The following PPARD variants were observed in gnomAD, a reference collection of about 807,000 sequenced individuals.
PPARD encodes the protein peroxisome proliferator activated receptor delta.
A neutral mutation model predicts 39.5 loss-of-function variants in PPARD; 6 were observed. The ratio of observed to expected loss-of-function variants is 0.15; its 90% confidence interval spans 0.08 to 0.30. PPARD has a LOEUF of 0.30. Ranked by LOEUF, PPARD falls within the 10% of genes least tolerant of loss-of-function variation. The probability of loss-of-function intolerance (pLI) is 1.00; values close to 1 mark genes in which losing one functional copy is unlikely to be tolerated. For synonymous variants in PPARD, 210 were observed against 231.3 expected, an observed-to-expected ratio of 0.91 and a Z score of 0.83; for missense variants, 397 against 596.8, an observed-to-expected ratio of 0.67 and a Z score of 3.49.
chr6:35,388,710 TCAAA>T (rs1293584349), intron 2 of PPARD, among the ~76,000 whole-genome samples: 1 of 151,784 alleles, frequency 6.6e-6, no homozygotes, highest in Admixed American at 6.6e-5. Flanking sequence ...AGACTCTGTC[TCAAA>T]CAAAAGAGGG....
At chr6:35,414,387 C>T (rs1765619256) in intron 3 of PPARD, among the ~76,000 whole-genome samples, 1 of 152,160 alleles carries the variant, frequency 6.6e-6, no homozygotes, top group Non-Finnish European at 1.5e-5. Context: ...CTCAACAAGT[C>T]TGCACTACTT....
intron 2 of PPARD, among the ~76,000 whole-genome samples, chr6:35,398,112 T>G (rs1173311891): frequency 6.6e-6 from 1 of 152,078 alleles, no homozygotes; most frequent in African/African-American, 2.4e-5. Flanking sequence ...TAAGATGGGC[T>G]TTTTCTCTGT....
At chr6:35,349,596 C>G (rs1412787186) in intron 2 of PPARD, among the ~76,000 whole-genome samples, 1 of 151,874 alleles carries the variant, frequency 6.6e-6, no homozygotes, top group Non-Finnish European at 1.5e-5. Flanking sequence ...CTTGGCCTCC[C>G]TAGGCAGTCC....
chr6:35,424,003 CT>C lies in PPARD; in HGVS notation c.483del (p.Ala162GlnfsTer14). ...AAGAGGAAGCTGGTGGCAGGGCTGA[CT>C]GCAAACGAGGGGAGCCAGTACAACC... ...AEKRKLVAGL[T>X]ANEGSQYNPQ... is the part of the protein sequence containing the mutation. On this transcript the variant is annotated frameshift_variant, in exon 6 of 8. Coordinates refer to ENST00000360694, the MANE Select transcript of PPARD (RefSeq NM_006238.5). LOFTEE classifies it high-confidence loss of function. The surrounding 1 kb of genome is among the most constrained non-coding windows in gnomAD (Gnocchi z 7.1). 1 of 1,614,200 alleles carries C rather than the reference CT, an allele frequency of 6.2e-7. No homozygotes were observed. Among genetic ancestry groups the C allele is most frequent in the Non-Finnish European group, 8.5e-7 (1 of 1,180,040 alleles).
intron 2 of PPARD, among the ~76,000 whole-genome samples, chr6:35,347,914 T>A (rs1448042046): frequency 2.0e-5 from 3 of 147,118 alleles, no homozygotes; most frequent in African/African-American, 7.6e-5. Flanking sequence ...TGGCCTTTTT[T>A]TTTTTTTTTT....
At chr6:35,398,807 G>A (rs752191808) in intron 2 of PPARD, among the ~76,000 whole-genome samples, 6 of 152,116 alleles carry the variant, frequency 3.9e-5, no homozygotes, top group Non-Finnish European at 8.8e-5. Flanking sequence ...AAGTGTTACC[G>A]AAAGTTTCAA....
intron 2 of PPARD, among the ~76,000 whole-genome samples, chr6:35,390,165 C>G (rs1763927685): frequency 6.6e-6 from 1 of 152,184 alleles, no homozygotes; most frequent in Non-Finnish European, 1.5e-5. Context: ...TCTGGCCCAG[C>G]TAGAAGAAAG....
intron 2 of PPARD, among the ~76,000 whole-genome samples, chr6:35,389,712 T>C (rs1305723172): frequency 2.0e-5 from 3 of 152,238 alleles, no homozygotes; most frequent in Non-Finnish European, 4.4e-5. Context: ...GAGTATGTTA[T>C]ACCCCAATTA....
intron 2 of PPARD, among the ~76,000 whole-genome samples, chr6:35,352,472 C>A (rs1761323528): frequency 6.6e-6 from 1 of 152,214 alleles, no homozygotes; most frequent in Admixed American, 6.5e-5. Context: ...GCGTGAGCCA[C>A]CGCGCCCGGC....
intron 2 of PPARD, among the ~76,000 whole-genome samples, chr6:35,385,913 G>A (rs1233977891): frequency 1.3e-5 from 2 of 152,030 alleles, no homozygotes; most frequent in African/African-American, 4.8e-5. Flanking sequence ...TGGGGAGGGC[G>A]TTGGGGGTAG....
At chr6:35,365,165 C>T (rs1446767630) in intron 2 of PPARD, among the ~76,000 whole-genome samples, 3 of 128,646 alleles carry the variant, frequency 2.3e-5, no homozygotes, top group African/African-American at 1.0e-4. Flanking sequence ...TGGAGTCTCG[C>T]TCTGTCACCC....
chr6:35,387,846 C>T (rs1276685004), intron 2 of PPARD, among the ~76,000 whole-genome samples: 2 of 151,218 alleles, frequency 1.3e-5, no homozygotes, highest in Non-Finnish European at 2.9e-5. Flanking sequence ...CTCAGCCTCC[C>T]AAGTAGCTGG....
rs951246839 is a variant in PPARD, at chr6:35,425,599, A to G, written c.1079-233A>G. ...CATTGAGTCTCTTAACCACAATACT[A>G]CGTTGCCTAATCGGGGGGGAGGTGG... On this transcript the variant is annotated intron_variant, in intron 7 of 7. Coordinates refer to ENST00000360694, the MANE Select transcript of PPARD (RefSeq NM_006238.5). The surrounding 1 kb of genome is among the most constrained non-coding windows in gnomAD (Gnocchi z 4.5). 6.7e-6 allele frequency among the ~76,000 whole-genome samples: 1 copy of G among 150,200 alleles called. No individual in the cohort carries two copies. Among genetic ancestry groups the G allele is most frequent in the Non-Finnish European group, 1.5e-5 (1 of 67,454 alleles).
chr6:35,387,464 A>AG (rs574415497), intron 2 of PPARD, among the ~76,000 whole-genome samples: 72 of 152,208 alleles, frequency 4.7e-4, no homozygotes, highest in African/African-American at 1.7e-3. Context: ...TATGACAGAA[A>AG]GGGACTGACT....
intron 2 of PPARD, among the ~76,000 whole-genome samples, chr6:35,359,472 T>C (rs1761809770): frequency 6.6e-6 from 1 of 152,132 alleles, no homozygotes; most frequent in Non-Finnish European, 1.5e-5. Flanking sequence ...GGCATGGCAC[T>C]GTGTATCTAG....
chr6:35,361,180 G>C (rs753513256), intron 2 of PPARD, among the ~76,000 whole-genome samples: 4 of 152,228 alleles, frequency 2.6e-5, no homozygotes, highest in Non-Finnish European at 5.9e-5. Context: ...GCCAGACTCT[G>C]TGTGGCATGG....
chr6:35,371,234 G>T (rs1762464176), intron 2 of PPARD, among the ~76,000 whole-genome samples: 1 of 152,152 alleles, frequency 6.6e-6, no homozygotes, highest in South Asian at 2.1e-4. Flanking sequence ...CCCCCTAGGA[G>T]GGTAAATGTC....
At position 35,342,627 on chromosome 6, in the gene PPARD, G is replaced by T. The variant is rs887431162; in HGVS notation, c.-240G>T. ...GGGAAAAGTTTTGGCAGGAGCGGGA[G>T]AATTCTGCGGAGCCTGCGGGACGGC... On this transcript the variant is annotated 5_prime_UTR_variant, in exon 1 of 8. An upstream open reading frame in the 5' UTR gains an earlier in-frame stop. Coordinates refer to ENST00000360694, the MANE Select transcript of PPARD (RefSeq NM_006238.5). 1 of 152,734 alleles carries T rather than the reference G, an allele frequency of 6.5e-6. No individual in the cohort carries two copies. Among genetic ancestry groups the T allele is most frequent in the Non-Finnish European group, 1.5e-5 (1 of 68,446 alleles). 9.5% of individuals were successfully genotyped at this position (152,734 alleles called of 1,614,324 possible). A position where few individuals can be genotyped will look rare whatever the true frequency, so the allele number is the denominator to read the frequency against.
chr6:35,405,297 C>G (rs1350466992), intron 2 of PPARD, among the ~76,000 whole-genome samples: 1 of 152,018 alleles, frequency 6.6e-6, no homozygotes, highest in East Asian at 1.9e-4. Context: ...CCTCAGCCTC[C>G]CAAAGTGCTG....
Sources: allele counts gnomAD v4.1 joint callset (sites outside exome capture counted in the v4.1 genomes callset), GRCh38; gene constraint gnomAD v4.1.1; non-coding constraint Gnocchi (gnomAD v3.1); transcripts MANE v1.5; gene names NCBI Gene and HGNC (gene_info 2026-07-23, HGNC 2026-07-21).